CDC73: variants seen among roughly 807,000 people sequenced by gnomAD.
CDC73 encodes parafibromin.
Under a neutral mutation model 83.7 loss-of-function variants are expected in CDC73, and 21 were observed. That is an observed-to-expected ratio of 0.25 (90% CI 0.18 to 0.36). The LOEUF is 0.36. Among genes scored for constraint, CDC73 ranks in the 10% least tolerant of loss-of-function variants. CDC73 has a pLI of 1.00. For missense variants in CDC73, 342 were observed against 653.3 expected, an observed-to-expected ratio of 0.52 and a Z score of 5.19; for synonymous variants, 224 against 212.9, an observed-to-expected ratio of 1.05 and a Z score of -0.45.
Position 193,196,059 on chromosome 1 carries a change from T to C in CDC73, c.973-7736T>C, listed in dbSNP as rs866867058. The stretch of plus-strand genomic sequence containing the variant: ...TACTTTTGGTTTCATATCCAAGACA[T>C]CAGTGCTAAATTCAGTTTCATGAAG... On this transcript the variant is annotated intron_variant, in intron 10 of 16. Transcript: ENST00000367435. 5.9e-5 allele frequency among the ~76,000 whole-genome samples: 9 copies of C among 152,358 alleles called. No individual in the cohort carries two copies. The South Asian group carries it at 1.9e-3, about 32-fold the overall frequency.
intron 7 of CDC73, among the ~76,000 whole-genome samples, chr1:193,145,299 AG>A (rs1468354186): frequency 2.0e-5 from 3 of 152,214 alleles, no homozygotes; most frequent in African/African-American, 7.2e-5. Context: ...ATGATATCAA[AG>A]AAGACTATCC....
chr1:193,252,795 A>T lies in CDC73; in HGVS notation c.*2083A>T. On this transcript the variant is annotated 3_prime_UTR_variant, in exon 17 of 17. Transcript: ENST00000367435. Reference sequence around the variant, plus strand: ...CCACTCCCATTTATTCTCCCATGACATGGTCCTATATAGCAGTACTTAACA... The same window carrying T: ...CCACTCCCATTTATTCTCCCATGACTTGGTCCTATATAGCAGTACTTAACA... The T allele has an allele frequency of 4.3e-6, 1 of 231,940 alleles. No homozygotes were observed. The highest frequency in any genetic ancestry group is 8.5e-6 in the Non-Finnish European group (1 of 117,208). The allele number at this position is 231,940 out of a possible 1,614,324, so 14.4% of individuals were successfully genotyped here.
At chr1:193,150,242 G>A in intron 8 of CDC73, 62 bp from the exon 9 acceptor site, 1 of 1,204,734 alleles carries the variant, frequency 8.3e-7, no homozygotes, top group Non-Finnish European at 1.2e-6. Flanking sequence ...CTGCACTCCA[G>A]CACATTAAAT....
chr1:193,127,669 AC>A (rs2103115820), intron 2 of CDC73, among the ~76,000 whole-genome samples: 1 of 152,122 alleles, frequency 6.6e-6, no homozygotes, highest in African/African-American at 2.4e-5. Flanking sequence ...GGACCTTGGG[AC>A]CCTTGGTTGC....
chr1:193,254,185 A>T lies in CDC73; in HGVS notation c.*3473A>T, dbSNP rs980994213. Among the ~76,000 whole-genome samples the T allele has an allele frequency of 1.8e-4, 28 of 151,854 alleles. No individual in the cohort carries two copies. Among genetic ancestry groups the T allele is most frequent in the African/African-American group, 6.3e-4 (26 of 41,414 alleles). On this transcript the variant is annotated 3_prime_UTR_variant, in exon 17 of 17. Coordinates refer to ENST00000367435, the MANE Select transcript of CDC73 (RefSeq NM_024529.5). Reference sequence around the variant, plus strand: ...AGCCCTTCATATACACATACTTTTTAAAAAAAGATTCTTAATAAAGAAATT... The same window carrying T: ...AGCCCTTCATATACACATACTTTTTTAAAAAAGATTCTTAATAAAGAAATT...
intron 10 of CDC73, among the ~76,000 whole-genome samples, chr1:193,159,813 C>T (rs1361706038): frequency 6.6e-6 from 1 of 152,080 alleles, no homozygotes; most frequent in South Asian, 2.1e-4. Flanking sequence ...TTAGACTGAA[C>T]ACTTATTTAG....
At chr1:193,135,279 G>A in intron 3 of CDC73, 112 bp from the exon 4 acceptor site, 1 of 858,540 alleles carries the variant, frequency 1.2e-6, no homozygotes, top group South Asian at 1.5e-5. Flanking sequence ...TTTTTACCTA[G>A]AGAAAATCAC....
At chr1:193,175,009 CGAG>C (rs1676578437) in intron 10 of CDC73, among the ~76,000 whole-genome samples, 1 of 151,942 alleles carries the variant, frequency 6.6e-6, no homozygotes, top group South Asian at 2.1e-4. Flanking sequence ...AAATAAGTCT[CGAG>C]GGAGAGAGAA....
At chr1:193,144,106 T>C (rs1675952655) in intron 7 of CDC73, among the ~76,000 whole-genome samples, 1 of 16,070 alleles carries the variant, frequency 6.2e-5, no homozygotes, top group African/African-American at 1.6e-4. Flanking sequence ...TGAGACTCTG[T>C]CTCACCAAAA....
At chr1:193,194,774 G>T (rs1341482473) in intron 10 of CDC73, among the ~76,000 whole-genome samples, 1 of 152,026 alleles carries the variant, frequency 6.6e-6, no homozygotes, top group Non-Finnish European at 1.5e-5. Context: ...TAATATGCAA[G>T]AGTACCCCTT....
At chr1:193,245,199 A>G (rs1677932884) in intron 15 of CDC73, among the ~76,000 whole-genome samples, 2 of 152,200 alleles carry the variant, frequency 1.3e-5, no homozygotes, top group African/African-American at 4.8e-5. Context: ...ATTGTTAACT[A>G]TAATCCTATA....
intron 13 of CDC73, among the ~76,000 whole-genome samples, chr1:193,223,367 C>T (rs1677506532): frequency 6.6e-6 from 1 of 152,168 alleles, no homozygotes; most frequent in Non-Finnish European, 1.5e-5. Flanking sequence ...TGTTAAGCAC[C>T]TGGGAGCATT....
intron 10 of CDC73, among the ~76,000 whole-genome samples, chr1:193,177,116 T>C (rs1676618285): frequency 6.6e-6 from 1 of 152,008 alleles, no homozygotes; most frequent in Non-Finnish European, 1.5e-5. Flanking sequence ...TGGCAAAGGA[T>C]GAAGAACAGA....
chr1:193,193,443 G>A (rs1676951010), intron 10 of CDC73, among the ~76,000 whole-genome samples: 1 of 151,994 alleles, frequency 6.6e-6, no homozygotes, highest in African/African-American at 2.4e-5. Context: ...ACTGTGTTTT[G>A]ATACTTTTGT....
chr1:193,193,679 C>T (rs1219314108), intron 10 of CDC73, among the ~76,000 whole-genome samples: 1 of 152,016 alleles, frequency 6.6e-6, no homozygotes, highest in African/African-American at 2.4e-5. Context: ...CTGATTTTCT[C>T]TCACCTTTGA....
intron 13 of CDC73, among the ~76,000 whole-genome samples, chr1:193,214,793 T>C (rs1217099390): frequency 6.6e-6 from 1 of 152,192 alleles, no homozygotes; most frequent in Admixed American, 6.5e-5. Flanking sequence ...ACACTTGACA[T>C]TAGAAATAAG....
At chr1:193,164,594 A>G (rs1390954198) in intron 10 of CDC73, among the ~76,000 whole-genome samples, 2 of 152,138 alleles carry the variant, frequency 1.3e-5, no homozygotes, top group Non-Finnish European at 1.5e-5. Context: ...AATAAATTAT[A>G]TCCTTCAAAT....
At chr1:193,180,239 A>C (rs1164165959) in intron 10 of CDC73, 2 of 1,465,068 alleles carry the variant, frequency 1.4e-6, no homozygotes, top group Non-Finnish European at 1.8e-6. Flanking sequence ...AGTTCTAACT[A>C]TACATGCTTT....
At position 193,250,914 on chromosome 1, in the gene CDC73, A is replaced by T. The variant is rs1273658820; in HGVS notation, c.*202A>T. 2 of 561,252 alleles carry T rather than the reference A, an allele frequency of 3.6e-6. No homozygotes were observed. The highest frequency in any genetic ancestry group is 5.7e-5 in the East Asian group (2 of 35,094). The allele number at this position is 561,252 out of a possible 1,614,324, so 34.8% of individuals were successfully genotyped here. On this transcript the variant is annotated 3_prime_UTR_variant, in exon 17 of 17. Transcript: ENST00000367435. ...TTTTAATATTAGCCTTCTAGTCTGT[A>T]ATGGAAATTGTATATTTTGATAGAA...
Sources: gnomAD v4.1 joint callset for allele counts (sites outside exome capture counted in the v4.1 genomes callset) on GRCh38, gnomAD v4.1.1 for gene constraint, MANE v1.5 for transcripts, NCBI Gene and HGNC (gene_info 2026-07-23, HGNC 2026-07-21) for gene names.